HACE1: variants seen among roughly 807,000 people sequenced by gnomAD.
HACE1 encodes HECT domain and ankyrin repeat containing E3 ubiquitin protein ligase 1, also known as E3 ubiquitin-protein ligase HACE1.
A neutral mutation model predicts 118.4 loss-of-function variants in HACE1; 73 were observed. The observed-to-expected ratio is 0.62, with a 90% CI of 0.51 to 0.75. The LOEUF (loss-of-function observed/expected upper bound fraction) is 0.75. Among genes scored for constraint, HACE1 ranks in the 30% least tolerant of loss-of-function variants. The probability of loss-of-function intolerance (pLI) is 0.00; values close to 1 mark genes in which losing one functional copy is unlikely to be tolerated. For synonymous variants in HACE1, 368 were observed against 374.8 expected (o/e 0.98, Z 0.21); for missense variants, 749 against 1,102.2 (o/e 0.68, Z 4.54).
At chr6:104,770,867 C>T (rs1780522595) in intron 19 of HACE1, among the ~76,000 whole-genome samples, 1 of 152,150 alleles carries the variant, frequency 6.6e-6, no homozygotes. Context: ...ACTTTAAAAA[C>T]ATGAAAGAGC....
intron 19 of HACE1, among the ~76,000 whole-genome samples, chr6:104,769,295 A>G (rs1286995929): frequency 6.6e-6 from 1 of 152,154 alleles, no homozygotes. Flanking sequence ...TTAGTCTCCC[A>G]AAGCACTGGA....
chr6:104,737,110 C>T (rs918511439), intron 22 of HACE1, among the ~76,000 whole-genome samples: 5 of 141,388 alleles, frequency 3.5e-5, no homozygotes, highest in African/African-American at 5.7e-5. Flanking sequence ...ATGGTGAAAC[C>T]TCATCTCTAC....
chr6:104,777,310 T>C lies in HACE1; in HGVS notation c.1574A>G (p.Lys525Arg), dbSNP rs1781319913. The C allele has an allele frequency of 6.2e-7, 1 of 1,604,154 alleles. No individual in the cohort carries two copies. The highest frequency in any genetic ancestry group is 2.2e-5 in the East Asian group (1 of 44,832). Residue 525 changes from lysine (K) to arginine (R), a missense_variant, in exon 15 of 24, where the codon AAA (lysine) becomes AGA (arginine). Physicochemically the swap from Lys to Arg is conservative, Grantham distance 26 (BLOSUM62 2). Transcript: ENST00000262903. ...FMHIIKAQPF[K>R]DRCEWFYEHL... The stretch of plus-strand genomic sequence containing the variant: ...TTCATAGAACCATTCACAGCGATCT[T>C]TAAAAGGCTAGCTCAAAAAATAAGA...
chr6:104,857,367 T>C (rs1026050145), intron 1 of HACE1, among the ~76,000 whole-genome samples: 1 of 151,792 alleles, frequency 6.6e-6, no homozygotes, highest in African/African-American at 2.4e-5. Context: ...TTTTTGCCTA[T>C]GTGGAAAAGT....
At position 104,796,764 on chromosome 6, in the gene HACE1, C is replaced by A. The variant is rs764993313; in HGVS notation, c.715-8G>T. 20 of 1,491,490 alleles carry A rather than the reference C, an allele frequency of 1.3e-5. No individual in the cohort carries two copies. The highest frequency in any genetic ancestry group is 1.9e-5 in the Non-Finnish European group (20 of 1,069,566). 92.4% of individuals were successfully genotyped at this position (1,491,490 alleles called of 1,614,324 possible). The stretch of plus-strand genomic sequence containing the variant: ...AGTCTCTCCATATCCACCCTAAAAA[C>A]AAGATCTAAAATTATCCAGGTTTAA... On this transcript the variant is annotated splice_polypyrimidine_tract_variant and splice_region_variant and intron_variant, in intron 8 of 23. Transcript: ENST00000262903.
In HACE1 at chr6:104,839,394, A is replaced by ATG. The variant is rs1774869270; in HGVS notation, c.402+3827_402+3828dup. 5.9e-5 allele frequency among the ~76,000 whole-genome samples: 9 copies of ATG among 152,338 alleles called. No individual in the cohort carries two copies. In the South Asian group the frequency reaches 1.9e-3, roughly 32 times the overall value. On this transcript the variant is annotated intron_variant, in intron 5 of 23. Coordinates refer to ENST00000262903, the MANE Select transcript of HACE1 (RefSeq NM_020771.4). ...TATAACCTAGATAAGTCTCCAAGGA[A>ATG]TGTGACAAACAAAAAAAGCCAATCC... is the stretch of plus-strand genomic sequence containing the variant.
chr6:104,845,589 T>C (rs1214581155), intron 4 of HACE1, among the ~76,000 whole-genome samples: 2 of 151,002 alleles, frequency 1.3e-5, no homozygotes, highest in Non-Finnish European at 1.5e-5. Flanking sequence ...GCCATTCTCC[T>C]GCCTCAGCCT....
Position 104,771,260 on chromosome 6 carries a change from A to C in HACE1, c.2144T>G (p.Phe715Cys). ...CAAAGGCACCTCTTCCATTGCTCCAAACACATCAGTCTCAACAGAAAAAGT... is the reference window on the plus strand; with the variant it reads ...CAAAGGCACCTCTTCCATTGCTCCACACACATCAGTCTCAACAGAAAAAGT... ...ELTFSVETDV[F>C]GAMEEVPLKP... Residue 715 changes from phenylalanine to cysteine, a missense_variant, in exon 19 of 24, where the codon TTT (phenylalanine) becomes TGT (cysteine). Transcript: ENST00000262903. 2 of 1,613,598 alleles carry C rather than the reference A, an allele frequency of 1.2e-6. No individual in the cohort carries two copies. The highest frequency in any genetic ancestry group is 1.7e-6 in the Non-Finnish European group (2 of 1,179,526).
chr6:104,768,841 G>C (rs933848921), intron 19 of HACE1, among the ~76,000 whole-genome samples: 1 of 151,880 alleles, frequency 6.6e-6, no homozygotes, highest in Admixed American at 6.6e-5. Context: ...GCACAATGAA[G>C]GGTATATCCT....
intron 6 of HACE1, among the ~76,000 whole-genome samples, chr6:104,826,807 T>C (rs1050801430): frequency 6.6e-6 from 1 of 152,178 alleles, no homozygotes; most frequent in African/African-American, 2.4e-5. Context: ...TAAAAAAATT[T>C]AGAATTGCAA....
chr6:104,787,759 A>C (rs1475912513), intron 11 of HACE1, among the ~76,000 whole-genome samples: 3 of 152,194 alleles, frequency 2.0e-5, no homozygotes, highest in Admixed American at 1.3e-4. Context: ...AATGAAAGAC[A>C]AATTTTCAGT....
intron 10 of HACE1, among the ~76,000 whole-genome samples, chr6:104,795,370 T>A (rs1470891723): frequency 1.3e-5 from 2 of 152,228 alleles, no homozygotes; most frequent in African/African-American, 4.8e-5. Context: ...CACTGAAGTA[T>A]GCTCTATTTT....
intron 22 of HACE1, among the ~76,000 whole-genome samples, chr6:104,739,342 A>G (rs1431579144): frequency 6.6e-6 from 1 of 152,182 alleles, no homozygotes; most frequent in African/African-American, 2.4e-5. Flanking sequence ...TAAATGGACT[A>G]AATGCTCCAA....
chr6:104,790,699 C>A (rs1229630704), intron 11 of HACE1, among the ~76,000 whole-genome samples: 1 of 152,136 alleles, frequency 6.6e-6, no homozygotes, highest in African/African-American at 2.4e-5. Context: ...AGGCTGCAGT[C>A]AACCATGATT....
chr6:104,852,428 C>T lies in HACE1; in HGVS notation c.77-57G>A. On this transcript the variant is annotated intron_variant, in intron 1 of 23. Coordinates refer to ENST00000262903, the MANE Select transcript of HACE1 (RefSeq NM_020771.4). ...CCCCTACTTTGTGCAAGGGGTGATA[C>T]TTAAGATTAGTTTAGAATTTTCCTA... 5 of 1,034,128 alleles carry T rather than the reference C, an allele frequency of 4.8e-6. No individual in the cohort carries two copies. The South Asian group carries it at 6.5e-5, about 14-fold the overall frequency. 64.1% of individuals were successfully genotyped at this position (1,034,128 alleles called of 1,614,324 possible).
chr6:104,847,881 A>C (rs898133937), intron 4 of HACE1, among the ~76,000 whole-genome samples: 3 of 151,824 alleles, frequency 2.0e-5, no homozygotes, highest in Non-Finnish European at 2.9e-5. Context: ...GCAATGGCGC[A>C]ATCTCCACTC....
chr6:104,746,841 T>C (rs1297019409), intron 20 of HACE1, among the ~76,000 whole-genome samples: 1 of 152,218 alleles, frequency 6.6e-6, no homozygotes, highest in Non-Finnish European at 1.5e-5. Flanking sequence ...TTACAATTCA[T>C]GAGTTTAATC....
chr6:104,750,760 C>A (rs1381345366), intron 19 of HACE1, among the ~76,000 whole-genome samples: 2 of 152,134 alleles, frequency 1.3e-5, no homozygotes, highest in Non-Finnish European at 2.9e-5. Context: ...CATTTCAGCA[C>A]CCCAGTCCAA....
At chr6:104,733,032 C>T (rs1775381585) in intron 22 of HACE1, among the ~76,000 whole-genome samples, 1 of 152,152 alleles carries the variant, frequency 6.6e-6, no homozygotes, top group South Asian at 2.1e-4. Context: ...TAAAATTCAA[C>T]ATTAGTTAAT....
Sources: gnomAD v4.1 joint callset for allele counts (sites outside exome capture counted in the v4.1 genomes callset) on GRCh38, gnomAD v4.1.1 for gene constraint, MANE v1.5 for transcripts, NCBI Gene and HGNC (gene_info 2026-07-23, HGNC 2026-07-21) for gene names.